RGS9: variants seen among roughly 807,000 people sequenced by gnomAD.
RGS9 encodes regulator of G protein signaling 9.
RGS9 carries 78 observed loss-of-function variants against 102.0 expected under a neutral mutation model. The ratio of observed to expected loss-of-function variants is 0.76; its 90% CI spans 0.64 to 0.92. The LOEUF (loss-of-function observed/expected upper bound fraction) is 0.92. Among genes scored for constraint, RGS9 ranks in the 40% least tolerant of loss-of-function variants. The pLI, the probability that RGS9 is intolerant of heterozygous loss-of-function variation, is 0.00. For synonymous variants in RGS9, 353 were observed against 318.6 expected (o/e 1.11, Z -1.15); for missense variants, 833 against 866.1 (o/e 0.96, Z 0.48).
At chr17:65,205,616 G>A (rs1913027471) in intron 15 of RGS9, among the ~76,000 whole-genome samples, 1 of 151,614 alleles carries the variant, frequency 6.6e-6, no homozygotes, top group Non-Finnish European at 1.5e-5. Context: ...ATATGATATA[G>A]GTTATAATGT....
chr17:65,189,455 A>G lies in RGS9; in HGVS notation c.684+140A>G, dbSNP rs916083685. On this transcript the variant is annotated intron_variant, in intron 10 of 18. Coordinates refer to ENST00000262406, the MANE Select transcript of RGS9 (RefSeq NM_003835.4). Reference sequence around the variant, plus strand: ...AACAATTATTTCCAAATTCACGGACAGCACAGAGTGACGAAGCATCTTCTG... The same window carrying G: ...AACAATTATTTCCAAATTCACGGACGGCACAGAGTGACGAAGCATCTTCTG... 7 of 737,916 alleles carry G rather than the reference A, an allele frequency of 9.5e-6. No homozygotes were observed. The East Asian group carries it at 1.0e-4, about 11-fold the overall frequency. 45.7% of individuals were successfully genotyped at this position (737,916 alleles called of 1,614,324 possible).
chr17:65,147,185 A>C (rs905366040), intron 1 of RGS9, among the ~76,000 whole-genome samples: 6 of 152,150 alleles, frequency 3.9e-5, no homozygotes, highest in African/African-American at 1.4e-4. Context: ...GTCAAGCCAA[A>C]ATAAGTATTT....
At chr17:65,161,005 G>T in intron 6 of RGS9, 96 bp downstream of exon 6, 1 of 1,002,102 alleles carries the variant, frequency 1.0e-6, no homozygotes, top group Non-Finnish European at 1.6e-6. Context: ...ATTCATATGC[G>T]CCCACATTCA....
At chr17:65,216,580 C>T (rs1311118587) in intron 17 of RGS9, among the ~76,000 whole-genome samples, 3 of 152,146 alleles carry the variant, frequency 2.0e-5, no homozygotes, top group South Asian at 2.1e-4. Flanking sequence ...GAAGTTGCAG[C>T]GAGCTGAGAT....
intron 17 of RGS9, among the ~76,000 whole-genome samples, chr17:65,214,194 C>T (rs995057427): frequency 6.6e-6 from 1 of 152,178 alleles, no homozygotes; most frequent in Non-Finnish European, 1.5e-5. Flanking sequence ...ATTTCCTGGG[C>T]TCAAGTGATG....
intron 9 of RGS9, 67 bp downstream of exon 9, chr17:65,177,870 T>G (rs1412540888): frequency 8.4e-7 from 1 of 1,197,346 alleles, no homozygotes; most frequent in African/African-American, 1.5e-5. Context: ...GGTGTCCACA[T>G]GTCTATTCGT....
At chr17:65,210,349 C>A in intron 16 of RGS9, 139 bp from the exon 17 acceptor site, 1 of 1,069,338 alleles carries the variant, frequency 9.4e-7, no homozygotes, top group Non-Finnish European at 1.4e-6. Flanking sequence ...TTGGACCCCA[C>A]TGGAGGTTCA....
chr17:65,191,778 C>T (rs553507738), intron 11 of RGS9, among the ~76,000 whole-genome samples: 21 of 152,100 alleles, frequency 1.4e-4, no homozygotes, highest in Admixed American at 3.9e-4. Context: ...GTCTGATTGT[C>T]GACTAAGAGA....
At chr17:65,160,128 T>G in intron 3 of RGS9, 105 bp from the exon 4 acceptor site, 1 of 866,728 alleles carries the variant, frequency 1.2e-6, no homozygotes, top group Admixed American at 1.7e-5. Context: ...TGCAGTGCTG[T>G]TAGGAAGGGG....
intron 2 of RGS9, among the ~76,000 whole-genome samples, chr17:65,154,833 G>A (rs139002414): frequency 9.4e-4 from 143 of 152,304 alleles, no homozygotes; most frequent in African/African-American, 3.4e-3. Context: ...CCAAGCCCGG[G>A]CCTCACCACG....
intron 7 of RGS9, among the ~76,000 whole-genome samples, chr17:65,165,582 A>G (rs1911145368): frequency 6.6e-6 from 1 of 151,914 alleles, no homozygotes; most frequent in Admixed American, 6.6e-5. Flanking sequence ...CCTTGTCCAT[A>G]TTCAAATATG....
At chr17:65,217,065 C>T (rs571415601) in intron 17 of RGS9, among the ~76,000 whole-genome samples, 19 of 151,860 alleles carry the variant, frequency 1.3e-4, no homozygotes, top group South Asian at 1.0e-3. Context: ...GAGTTAAGAA[C>T]GGAGTGGCAG....
At chr17:65,180,738 T>C (rs1329775071) in intron 9 of RGS9, among the ~76,000 whole-genome samples, 1 of 152,190 alleles carries the variant, frequency 6.6e-6, no homozygotes, top group Non-Finnish European at 1.5e-5. Flanking sequence ...ATATAGATTA[T>C]CTTGTCACTC....
At position 65,211,132 on chromosome 17, in the gene RGS9, A is replaced by T. The variant is rs530489182; in HGVS notation, c.1407+527A>T. On this transcript the variant is annotated intron_variant, in intron 17 of 18. Transcript: ENST00000262406. ...AGTGTTTTTCAGGGAGATTTGTTTA[A>T]AATAGCTTTATGAAGCTCCTCATCC... Among the ~76,000 whole-genome samples, 51 of 152,290 alleles carry T rather than the reference A, an allele frequency of 3.3e-4. No homozygotes were observed. In the South Asian group the frequency reaches 6.6e-3, roughly 20 times the overall value.
At chr17:65,161,931 C>T (rs912250913) in intron 6 of RGS9, among the ~76,000 whole-genome samples, 4 of 151,722 alleles carry the variant, frequency 2.6e-5, no homozygotes, top group Admixed American at 6.6e-5. Context: ...CTCCTGGGCT[C>T]AAGTGATCCA....
At position 65,161,709 on chromosome 17, in the gene RGS9, T is replaced by C. The variant is rs536727903; in HGVS notation, c.423+800T>C. Among the ~76,000 whole-genome samples the C allele has an allele frequency of 7.1e-5, 8 of 112,490 alleles. No individual in the cohort carries two copies. The South Asian group carries it at 2.7e-3, about 38-fold the overall frequency. The allele number at this position is 112,490 out of a possible 152,430, so 73.8% of individuals were successfully genotyped here. ...TGCTGTGTTTTTATTTTTATTTATA[T>C]ATTTATTTATTTATTTATTTATTTA... is the stretch of plus-strand genomic sequence containing the variant. On this transcript the variant is annotated intron_variant, in intron 6 of 18. Coordinates refer to ENST00000262406, the MANE Select transcript of RGS9 (RefSeq NM_003835.4).
intron 7 of RGS9, among the ~76,000 whole-genome samples, chr17:65,166,474 TG>T (rs1911184623): frequency 1.3e-5 from 2 of 152,240 alleles, no homozygotes; most frequent in African/African-American, 4.8e-5. Context: ...GGACTATGTT[TG>T]GTTCACCAGT....
intron 1 of RGS9, among the ~76,000 whole-genome samples, chr17:65,142,857 C>G (rs1232162175): frequency 6.6e-6 from 1 of 152,116 alleles, no homozygotes; most frequent in Non-Finnish European, 1.5e-5. Flanking sequence ...GCTGGGATTG[C>G]AGGTGTAAAC....
At chr17:65,145,716 C>G (rs141147840) in intron 1 of RGS9, among the ~76,000 whole-genome samples, 1 of 152,016 alleles carries the variant, frequency 6.6e-6, no homozygotes, top group Non-Finnish European at 1.5e-5. Flanking sequence ...CTTTAAAGAC[C>G]TTATCTTCAA....
Sources: gnomAD v4.1 joint callset for allele counts (sites outside exome capture counted in the v4.1 genomes callset) on GRCh38, gnomAD v4.1.1 for gene constraint, MANE v1.5 for transcripts, NCBI Gene and HGNC (gene_info 2026-07-23, HGNC 2026-07-21) for gene names.